Variants in HIP1 observed in about 807,000 individuals in gnomAD.
HIP1 encodes the protein huntingtin-interacting protein 1.
A neutral mutation model predicts 147.6 loss-of-function variants in HIP1; 65 were observed. The ratio of observed to expected loss-of-function variants is 0.44; its 90% confidence interval spans 0.36 to 0.54. The LOEUF is 0.54. Ranked by LOEUF, HIP1 falls within the 20% of genes least tolerant of loss-of-function variation. The probability of loss-of-function intolerance (pLI) is 0.00; values close to 1 mark genes in which losing one functional copy is unlikely to be tolerated. For missense variants in HIP1, 1,061 were observed against 1,299.6 expected (o/e 0.82, Z 2.82); for synonymous variants, 479 against 504.0 (o/e 0.95, Z 0.67).
chr7:75,553,012 C>T (rs1246267557), intron 22 of HIP1, among the ~76,000 whole-genome samples: 1 of 151,620 alleles, frequency 6.6e-6, no homozygotes, highest in African/African-American at 2.4e-5. Flanking sequence ...GATCTCGGTG[C>T]ACTGCAACCT....
At chr7:75,643,858 G>A (rs1798724089) in intron 1 of HIP1, among the ~76,000 whole-genome samples, 2 of 152,022 alleles carry the variant, frequency 1.3e-5, no homozygotes, top group Non-Finnish European at 2.9e-5. Context: ...AAATTAGCTG[G>A]GCATGGTGGC....
intron 1 of HIP1, among the ~76,000 whole-genome samples, chr7:75,710,487 T>C (rs1801138207): frequency 6.6e-6 from 1 of 152,224 alleles, no homozygotes; most frequent in Non-Finnish European, 1.5e-5. Flanking sequence ...AGTGTCTTTG[T>C]CTAGCTTTGG....
At chr7:75,575,603 G>T (rs587612205) in intron 7 of HIP1, among the ~76,000 whole-genome samples, 1 of 152,264 alleles carries the variant, frequency 6.6e-6, no homozygotes, top group East Asian at 1.9e-4. Context: ...ACCCTCTTGA[G>T]TTTCAGAGAC....
At chr7:75,602,810 C>CCCCCCCT (rs1797057584) in intron 1 of HIP1, among the ~76,000 whole-genome samples, 1 of 148,774 alleles carries the variant, frequency 6.7e-6, no homozygotes, top group Non-Finnish European at 1.5e-5. Flanking sequence ...CAACCCCCCC[C>CCCCCCCT]ACCCCGTACC....
At chr7:75,607,529 TAAAAAA>T (rs140305342) in intron 1 of HIP1, among the ~76,000 whole-genome samples, 3 of 107,412 alleles carry the variant, frequency 2.8e-5, no homozygotes, top group Non-Finnish European at 5.6e-5. Flanking sequence ...ATGCCCAGCC[TAAAAAA>T]AAAAAAAAAA....
rs782401036 is a variant in HIP1 at position 75,556,792 on chromosome 7, A to T, written c.1601T>A (p.Val534Asp). ...GQRKTQEQLE[V>D]LESLKQELAT... is the part of the protein sequence containing the mutation. The stretch of plus-strand genomic sequence containing the variant: ...AAGTTCCTGCTTCAAGCTCTCTAGA[A>T]CTTCCAGCTGTTCTTGAGTCTGAAA... Residue 534 changes from valine to aspartate, a missense_variant, in exon 17 of 31, where the codon GTT becomes GAT. Val to Asp is a radical substitution (Grantham distance 152, BLOSUM62 -3). Transcript: ENST00000336926. The T allele has an allele frequency of 1.2e-6, 2 of 1,612,108 alleles. No individual in the cohort carries two copies. Among genetic ancestry groups the T allele is most frequent in the Non-Finnish European group, 8.5e-7 (1 of 1,178,306 alleles).
intron 1 of HIP1, among the ~76,000 whole-genome samples, chr7:75,632,289 G>T (rs193008249): frequency 2.6e-5 from 4 of 152,088 alleles, no homozygotes; most frequent in Non-Finnish European, 5.9e-5. Context: ...ACGTAAAAAG[G>T]GGGTATTCAG....
intron 30 of HIP1, 22 bp downstream of exon 30, chr7:75,539,301 C>A (rs1794210778): frequency 6.4e-7 from 1 of 1,568,202 alleles, no homozygotes; most frequent in African/African-American, 1.4e-5. Flanking sequence ...CGGGTTAGTG[C>A]CCATCCTTGG....
intron 1 of HIP1, among the ~76,000 whole-genome samples, chr7:75,666,673 G>A (rs782550853): frequency 2.6e-5 from 4 of 152,186 alleles, no homozygotes; most frequent in South Asian, 2.1e-4. Flanking sequence ...AGGGAGATGC[G>A]AGAAGGATGG....
At chr7:75,624,435 G>C (rs1174601702) in intron 1 of HIP1, among the ~76,000 whole-genome samples, 3 of 152,092 alleles carry the variant, frequency 2.0e-5, no homozygotes, top group Admixed American at 6.6e-5. Context: ...TTAGGGGAGT[G>C]GGGGGAAAAA....
intron 18 of HIP1, among the ~76,000 whole-genome samples, 186 bp from the exon 19 acceptor site, chr7:75,555,737 G>A (rs976174136): frequency 6.6e-6 from 1 of 152,192 alleles, no homozygotes; most frequent in Admixed American, 6.5e-5. Flanking sequence ...CACGATGTGC[G>A]GCTGCCCACA....
Position 75,586,773 on chromosome 7 carries a change from T to G in HIP1, c.445A>C (p.Lys149Gln), listed in dbSNP as rs1554499708. Residue 149 changes from lysine (K) to glutamine (Q), a missense_variant, in exon 5 of 31, where the codon AAG becomes CAG. By Grantham distance (53) the Lys-to-Gln change is moderately conservative (BLOSUM62 1). Transcript: ENST00000336926. ...CTCACTTTGGTGTGGTACTCCATCTTGGTTCTTAGCAGTTTCAGGTAGATG... is the reference window on the plus strand; with the variant it reads ...CTCACTTTGGTGTGGTACTCCATCTGGGTTCTTAGCAGTTTCAGGTAGATG... ...CSIYLKLLRT[K>Q]MEYHTKNPRF... 6 of 1,613,060 alleles carry G rather than the reference T, an allele frequency of 3.7e-6. No individual in the cohort carries two copies. The highest frequency in any genetic ancestry group is 1.3e-5 in the African/African-American group (1 of 74,906).
chr7:75,540,265 TA>T (rs1293828505), intron 29 of HIP1, among the ~76,000 whole-genome samples: 1 of 151,914 alleles, frequency 6.6e-6, no homozygotes, highest in African/African-American at 2.4e-5. Flanking sequence ...CCGTCTCTAC[TA>T]AAAATATACA....
In HIP1 at chr7:75,547,795, G is replaced by C; in HGVS notation, c.2425C>G (p.Arg809Gly). The C allele has an allele frequency of 1.2e-6, 2 of 1,613,668 alleles. No individual in the cohort carries two copies. The highest frequency in any genetic ancestry group is 1.7e-6 in the Non-Finnish European group (2 of 1,179,790). The change falls in exon 24 of 31, where the codon CGA becomes GGA. Residue 809 changes from arginine (R) to glycine (G), a missense_variant. By Grantham distance (125) the Arg-to-Gly change is moderately radical. Transcript: ENST00000336926. ...AATTTGACTCCTGTGTCTCCTGCTC[G>C]GGATTTGCTGAGCATCTCCTGTGAA... ...ARIEEMLSKS[R>G]AGDTGVKLEV...
At chr7:75,726,113 G>A (rs1801642672) in intron 1 of HIP1, among the ~76,000 whole-genome samples, 1 of 152,168 alleles carries the variant, frequency 6.6e-6, no homozygotes. Context: ...CAAACTGCTA[G>A]GATTGCAGGC....
At chr7:75,619,196 G>A (rs1479757301) in intron 1 of HIP1, among the ~76,000 whole-genome samples, 1 of 152,120 alleles carries the variant, frequency 6.6e-6, no homozygotes, top group Non-Finnish European at 1.5e-5. Flanking sequence ...GAAGAACATT[G>A]TATGTCAGAG....
intron 1 of HIP1, among the ~76,000 whole-genome samples, chr7:75,656,397 A>G (rs1799141229): frequency 6.6e-6 from 1 of 151,688 alleles, no homozygotes; most frequent in Non-Finnish European, 1.5e-5. Flanking sequence ...TAGCTTGCGT[A>G]AGGAGCCAAA....
At chr7:75,574,001 G>A (rs1163603548) in intron 7 of HIP1, 100 bp from the exon 8 acceptor site, 11 of 960,534 alleles carry the variant, frequency 1.1e-5, no homozygotes, top group African/African-American at 6.5e-5. Flanking sequence ...ACCAAGGACC[G>A]ATTCTGTGCG....
Position 75,555,531 on chromosome 7 carries a change from G to A in HIP1, c.1848C>T (p.Ala616=), listed in dbSNP as rs1794967022. 6.2e-7 allele frequency: 1 copy of A among 1,614,064 alleles called. No individual in the cohort carries two copies. Among genetic ancestry groups the A allele is most frequent in the Admixed American group, 1.7e-5 (1 of 60,002 alleles). Residue 616 remains alanine, a synonymous_variant, in exon 19 of 31, where the codon GCC becomes GCT. Transcript: ENST00000336926. The stretch of plus-strand genomic sequence containing the variant: ...CCAGAAGCATTTTTCGTTGGTCTTT[G>A]GCAAGCTGGCACATAGATTCCTAAA... ...ASTEESMCQL[A]KDQRKMLLVG...
Sources: gnomAD v4.1 joint callset for allele counts (sites outside exome capture counted in the v4.1 genomes callset) on GRCh38, gnomAD v4.1.1 for gene constraint, MANE v1.5 for transcripts, NCBI Gene and HGNC (gene_info 2026-07-23, HGNC 2026-07-21) for gene names.